The following SEMA3A variants were observed in gnomAD, a reference collection of about 807,000 sequenced individuals.
SEMA3A encodes the protein semaphorin-3A.
Under a neutral mutation model 97.9 loss-of-function variants are expected in SEMA3A, and 29 were observed. The observed-to-expected ratio is 0.30, with a 90% CI of 0.22 to 0.40. The LOEUF (loss-of-function observed/expected upper bound fraction) is 0.40, where lower values mean the gene tolerates loss of function less well. Ranked by LOEUF, SEMA3A falls within the 10% of genes least tolerant of loss-of-function variation. The probability of loss-of-function intolerance (pLI) is 1.00; values close to 1 mark genes in which losing one functional copy is unlikely to be tolerated. For missense variants in SEMA3A, 763 were observed against 951.3 expected (o/e 0.80, Z 2.60); for synonymous variants, 321 against 323.7 (o/e 0.99, Z 0.09).
At chr7:83,981,576 T>C in intron 13 of SEMA3A, 98 bp from the exon 14 acceptor site, 1 of 1,041,256 alleles carries the variant, frequency 9.6e-7, no homozygotes, top group Non-Finnish European at 1.3e-6. Flanking sequence ...TTCTCAGAGA[T>C]AAATTAAGGG....
At chr7:84,346,410 C>T (rs79351551) in intron 2 of SEMA3A, among the ~76,000 whole-genome samples, 1,995 of 152,230 alleles carry the variant, frequency 0.013, 41 homozygotes, top group African/African-American at 0.046. Flanking sequence ...TGCAAGAGGC[C>T]TTGCTTTTGG....
At chr7:84,091,220 AAGAAAGAAAAGAAAGAAG>A (rs1202687990) in intron 4 of SEMA3A, among the ~76,000 whole-genome samples, 5 of 90,278 alleles carry the variant, frequency 5.5e-5, no homozygotes, top group Non-Finnish European at 7.7e-5. Flanking sequence ...AAGAAAAGAA[AAGAAAGAAAAGAAAGAAG>A]GAAGGAAGGA....
At chr7:83,973,443 A>G (rs1789000034) in intron 15 of SEMA3A, among the ~76,000 whole-genome samples, 1 of 151,812 alleles carries the variant, frequency 6.6e-6, no homozygotes, top group South Asian at 2.1e-4. Flanking sequence ...GTCATCTGAG[A>G]CTTGATGAAA....
intron 3 of SEMA3A, among the ~76,000 whole-genome samples, chr7:84,253,978 T>G (rs1799664020): frequency 6.6e-6 from 1 of 152,096 alleles, no homozygotes; most frequent in Admixed American, 6.6e-5. Flanking sequence ...AAATAAAATA[T>G]TAACATGATA....
chr7:84,052,529 T>C (rs1178002881), intron 5 of SEMA3A, among the ~76,000 whole-genome samples: 1 of 152,148 alleles, frequency 6.6e-6, no homozygotes, highest in Non-Finnish European at 1.5e-5. Context: ...CTGATGGTAG[T>C]TTGTATTTAT....
Position 83,981,357 on chromosome 7 carries a change from C to T in SEMA3A, c.1616G>A (p.Gly539Asp). 6.2e-7 allele frequency: 1 copy of T among 1,614,020 alleles called. No homozygotes were observed. The highest frequency in any genetic ancestry group is 8.5e-7 in the Non-Finnish European group (1 of 1,179,950). The change falls in exon 14 of 17, where the codon GGT (glycine) becomes GAT (aspartate). Residue 539 changes from glycine (G) to aspartate (D), a missense_variant. By Grantham distance (94) the Gly-to-Asp change is moderately conservative. This residue lies in a region of SEMA3A where 678 missense variants were observed against 881.3 expected (regional missense o/e 0.77). Transcript: ENST00000265362. ...GGGAAAATAGCGAGAACATGCAGAA[C>T]CATCCCAAGCACAGTAAGGGTCTCG... ...LARDPYCAWD[G>D]SACSRYFPTA...
At chr7:84,423,560 G>A (rs2116286511) in intron 1 of SEMA3A, among the ~76,000 whole-genome samples, 1 of 151,924 alleles carries the variant, frequency 6.6e-6, no homozygotes, top group Admixed American at 6.6e-5. Flanking sequence ...TCCTATCTCT[G>A]TAATTATTTT....
chr7:84,327,043 C>T (rs1004347013), intron 2 of SEMA3A, among the ~76,000 whole-genome samples: 1 of 151,774 alleles, frequency 6.6e-6, no homozygotes, highest in African/African-American at 2.4e-5. Context: ...CTACAAAATA[C>T]TTGCAAACTA....
chr7:84,032,552 A>G (rs1378431694), intron 6 of SEMA3A, among the ~76,000 whole-genome samples: 2 of 152,148 alleles, frequency 1.3e-5, no homozygotes, highest in East Asian at 3.8e-4. Flanking sequence ...GCCTAATTAT[A>G]TGAAGAAGGA....
chr7:84,382,293 GA>G (rs2116143834), intron 1 of SEMA3A, among the ~76,000 whole-genome samples: 1 of 151,776 alleles, frequency 6.6e-6, no homozygotes, highest in South Asian at 2.1e-4. Flanking sequence ...TTTTAGTAGA[GA>G]TGGGGTTTCA....
intron 3 of SEMA3A, 90 bp from the exon 4 acceptor site, chr7:84,110,679 C>T: frequency 2.2e-6 from 3 of 1,366,830 alleles, no homozygotes; most frequent in South Asian, 1.6e-5. Flanking sequence ...ACAGATTTGT[C>T]TTTTGTTTTC....
At chr7:84,385,323 G>A (rs1356130410) in intron 1 of SEMA3A, among the ~76,000 whole-genome samples, 1 of 152,100 alleles carries the variant, frequency 6.6e-6, no homozygotes, top group East Asian at 1.9e-4. Context: ...CAACTTTAAG[G>A]ATGCATTTCC....
In SEMA3A at chr7:83,968,804, C is replaced by CTT. The variant is rs34837012; in HGVS notation, c.1718-5459_1718-5458dup. Among the ~76,000 whole-genome samples, 475 of 86,944 alleles carry CTT rather than the reference C, an allele frequency of 5.5e-3. 1 individual carries two copies. Among genetic ancestry groups the CTT allele is most frequent in the African/African-American group, 0.011 (222 of 19,856 alleles). 57.0% of individuals were successfully genotyped at this position (86,944 alleles called of 152,430 possible). ...TTCTTTGTTTCTTTTCTTTTCTTTC[C>CTT]TTTTTTTTTTTTTTTTTTTTTTTGG... On this transcript the variant is annotated intron_variant, in intron 15 of 16. Coordinates refer to ENST00000265362, the MANE Select transcript of SEMA3A (RefSeq NM_006080.3).
intron 2 of SEMA3A, among the ~76,000 whole-genome samples, chr7:84,330,516 T>G (rs1801885219): frequency 6.6e-6 from 1 of 152,060 alleles, no homozygotes; most frequent in Admixed American, 6.6e-5. Context: ...TCGGAAGATA[T>G]CAGTGGCAGA....
At position 84,157,164 on chromosome 7, in the gene SEMA3A, C is replaced by T. The variant is rs191221765; in HGVS notation, c.113-22213G>A. Among the ~76,000 whole-genome samples the T allele has an allele frequency of 1.0e-3, 154 of 152,262 alleles. 1 individual carries two copies. The highest frequency in any genetic ancestry group is 3.4e-3 in the Middle Eastern group (1 of 294). On this transcript the variant is annotated intron_variant, in intron 1 of 16. Coordinates refer to ENST00000265362, the MANE Select transcript of SEMA3A (RefSeq NM_006080.3). ...CAGTAAAAGAAATACTGATTATTAA[C>T]ATGCCTTTGTGTATTAAAGTCTGCT...
intron 2 of SEMA3A, among the ~76,000 whole-genome samples, chr7:84,309,189 G>A (rs1264308567): frequency 6.6e-6 from 1 of 152,046 alleles, no homozygotes; most frequent in Non-Finnish European, 1.5e-5. Flanking sequence ...GTGATAAGGG[G>A]GAAATATACA....
intron 1 of SEMA3A, among the ~76,000 whole-genome samples, chr7:84,436,403 A>G (rs1031537405): frequency 6.6e-6 from 1 of 152,162 alleles, no homozygotes; most frequent in African/African-American, 2.4e-5. Context: ...CAACCTACAC[A>G]ATGGAAGAAA....
At chr7:83,989,091 G>GA (rs1405031967) in intron 12 of SEMA3A, among the ~76,000 whole-genome samples, 3 of 152,034 alleles carry the variant, frequency 2.0e-5, no homozygotes, top group African/African-American at 7.2e-5. Flanking sequence ...AATTTCACAT[G>GA]AAAAATAGTT....
chr7:84,347,615 T>C (rs1330617582), intron 2 of SEMA3A, among the ~76,000 whole-genome samples: 1 of 152,200 alleles, frequency 6.6e-6, no homozygotes, highest in East Asian at 1.9e-4. Context: ...TTTCACCACA[T>C]TGGCCAGGAT....
Sources: allele counts gnomAD v4.1 joint callset (sites outside exome capture counted in the v4.1 genomes callset), GRCh38; gene constraint gnomAD v4.1.1; regional missense constraint gnomAD v4.1.1; transcripts MANE v1.5; gene names NCBI Gene and HGNC (gene_info 2026-07-23, HGNC 2026-07-21).